GALNT8: variants seen among roughly 807,000 people sequenced by gnomAD.
The protein encoded by GALNT8 is probable polypeptide N-acetylgalactosaminyltransferase 8.
A neutral mutation model predicts 62.7 loss-of-function variants in GALNT8; 66 were observed. The observed-to-expected ratio is 1.05, with a 90% CI of 0.86 to 1.29. GALNT8 has a LOEUF of 1.29. Ranked by LOEUF, GALNT8 falls within the 50% of genes most tolerant of loss-of-function variation. GALNT8 has a pLI of 0.00. For missense variants in GALNT8, 771 were observed against 791.8 expected (o/e 0.97, Z 0.32); for synonymous variants, 288 against 294.3 (o/e 0.98, Z 0.22).
chr12:4,743,324 T>C (rs1326815534), intron 3 of GALNT8, among the ~76,000 whole-genome samples: 1 of 152,204 alleles, frequency 6.6e-6, no homozygotes, highest in African/African-American at 2.4e-5. Context: ...CTACCCCAGC[T>C]TACTCCCAGA....
chr12:4,758,837 C>T (rs903746313), intron 6 of GALNT8, among the ~76,000 whole-genome samples: 2 of 151,468 alleles, frequency 1.3e-5, no homozygotes, highest in African/African-American at 4.9e-5. Flanking sequence ...CGTGCAGTGG[C>T]GCAATCTAGG....
At chr12:4,764,442 A>C (rs922868106) in intron 9 of GALNT8, among the ~76,000 whole-genome samples, 10 of 151,578 alleles carry the variant, frequency 6.6e-5, no homozygotes, top group African/African-American at 2.4e-4. Flanking sequence ...ATAGCGAAGG[A>C]AGCAGAGCTA....
intron 6 of GALNT8, among the ~76,000 whole-genome samples, chr12:4,759,425 G>A (rs187453770): frequency 6.6e-6 from 1 of 150,416 alleles, no homozygotes; most frequent in Non-Finnish European, 1.5e-5. Context: ...AATAAGTTGA[G>A]GGTCAACTTA....
intron 2 of GALNT8, among the ~76,000 whole-genome samples, chr12:4,731,131 C>T (rs149093573): frequency 0.016 from 2,381 of 152,106 alleles, 64 homozygotes; most frequent in African/African-American, 0.054. Context: ...CCACCGCCCC[C>T]GGCCTGAGAT....
intron 10 of GALNT8, 25 bp downstream of exon 10, chr12:4,765,571 G>A (rs761272257): frequency 3.8e-6 from 6 of 1,573,106 alleles, no homozygotes; most frequent in Non-Finnish European, 1.7e-6. Context: ...TTTGTTTGTT[G>A]GTTTGTTTGT....
chr12:4,740,105 GAA>G (rs1946265127), intron 3 of GALNT8, among the ~76,000 whole-genome samples: 1 of 152,164 alleles, frequency 6.6e-6, no homozygotes, highest in Non-Finnish European at 1.5e-5. Context: ...TAAGCCTGGA[GAA>G]AAGAGAGATT....
chr12:4,748,705 G>C (rs1440953509), intron 6 of GALNT8, among the ~76,000 whole-genome samples: 1 of 151,976 alleles, frequency 6.6e-6, no homozygotes, highest in Non-Finnish European at 1.5e-5. Context: ...GTTATTCTGG[G>C]TCTTTTGCAG....
intron 10 of GALNT8, among the ~76,000 whole-genome samples, chr12:4,771,455 G>A (rs1371408098): frequency 6.6e-6 from 1 of 152,178 alleles, no homozygotes; most frequent in Non-Finnish European, 1.5e-5. Flanking sequence ...GAGGCAGTTT[G>A]TGATTGGAAG....
chr12:4,743,683 T>C (rs1320928539), intron 3 of GALNT8, among the ~76,000 whole-genome samples: 1 of 152,134 alleles, frequency 6.6e-6, no homozygotes, highest in Non-Finnish European at 1.5e-5. Flanking sequence ...CTTGGAAAAG[T>C]TTTTAAAACT....
chr12:4,724,140 C>A, intron 1 of GALNT8, among the ~76,000 whole-genome samples: 1 of 113,930 alleles, frequency 8.8e-6, no homozygotes, highest in East Asian at 2.6e-4. Context: ...CAGAGCGAGA[C>A]TCCGTCTCAA....
chr12:4,725,278 C>G (rs1218038914), intron 1 of GALNT8, among the ~76,000 whole-genome samples: 1 of 152,138 alleles, frequency 6.6e-6, no homozygotes, highest in Admixed American at 6.5e-5. Context: ...TAAGATACTC[C>G]AGCACAAATC....
In GALNT8 at chr12:4,720,715, T is replaced by C. The variant is rs767293598; in HGVS notation, c.38T>C (p.Ile13Thr). ...FWRKLPKALF[I>T]GLTLAIAVNL... is the part of the protein sequence containing the mutation. ...AGGAAACTCCCCAAAGCCCTCTTCATTGGGCTGACTCTGGCCATTGCTGTC... is the reference window on the plus strand; with the variant it reads ...AGGAAACTCCCCAAAGCCCTCTTCACTGGGCTGACTCTGGCCATTGCTGTC... The change falls in exon 1 of 11, where the codon ATT becomes ACT. Residue 13 changes from isoleucine (I) to threonine (T), a missense_variant. Transcript: ENST00000252318. 1.5e-5 allele frequency: 24 copies of C among 1,613,628 alleles called. No individual in the cohort carries two copies. The Admixed American group carries it at 2.3e-4, about 16-fold the overall frequency.
chr12:4,767,925 G>A (rs1946406853), intron 10 of GALNT8, among the ~76,000 whole-genome samples: 1 of 152,112 alleles, frequency 6.6e-6, no homozygotes, highest in Admixed American at 6.5e-5. Context: ...TTTAAGTTCA[G>A]CTTACAAATT....
At chr12:4,724,604 G>A (rs867635036) in intron 1 of GALNT8, among the ~76,000 whole-genome samples, 11 of 152,248 alleles carry the variant, frequency 7.2e-5, no homozygotes, top group African/African-American at 2.7e-4. Flanking sequence ...AATAACCATA[G>A]TGTTCCATCT....
Position 4,726,853 on chromosome 12 carries a change from T to C in GALNT8, c.509+24T>C. 1 of 1,576,610 alleles carries C rather than the reference T, an allele frequency of 6.3e-7. No homozygotes were observed. Among genetic ancestry groups the C allele is most frequent in the South Asian group, 1.2e-5 (1 of 85,316 alleles). ...AGGTGGGATGAACCAGGCTTGGGCTTCTAGGGTCCTCAGTTTGATTTGAGG... is the reference window on the plus strand; with the variant it reads ...AGGTGGGATGAACCAGGCTTGGGCTCCTAGGGTCCTCAGTTTGATTTGAGG... On this transcript the variant is annotated intron_variant, in intron 2 of 10. Coordinates refer to ENST00000252318, the MANE Select transcript of GALNT8 (RefSeq NM_017417.2). This position sits in a 1 kb window ranked among gnomAD's most constrained non-coding sequence, Gnocchi z 4.1.
Position 4,741,321 on chromosome 12 carries a change from T to C in GALNT8, c.676+1992T>C, listed in dbSNP as rs572965712. ...TACAATTTTTAGAGCAAAATTCCGC[T>C]GAAAACCAAAGAAAAGAGACTAGTT... On this transcript the variant is annotated intron_variant, in intron 3 of 10. Coordinates refer to ENST00000252318, the MANE Select transcript of GALNT8 (RefSeq NM_017417.2). 1.3e-4 allele frequency among the ~76,000 whole-genome samples: 20 copies of C among 152,194 alleles called. 1 individual carries two copies. Among genetic ancestry groups the C allele is most frequent in the Non-Finnish European group, 4.4e-5 (3 of 68,016 alleles).
intron 6 of GALNT8, among the ~76,000 whole-genome samples, chr12:4,759,848 G>C (rs1207682882): frequency 6.6e-6 from 1 of 152,068 alleles, no homozygotes; most frequent in African/African-American, 2.4e-5. Flanking sequence ...GAGACATCAC[G>C]TCGATCCAAT....
chr12:4,720,417 C>T lies in GALNT8; in HGVS notation c.-261C>T. On this transcript the variant is annotated 5_prime_UTR_variant, in exon 1 of 11. Transcript: ENST00000252318. Reference sequence around the variant, plus strand: ...AAGGGAGTGTTATCTCCCTGAGCAACCTGTGGAAAGCCGCTGAGCAACCTG... The same window carrying T: ...AAGGGAGTGTTATCTCCCTGAGCAATCTGTGGAAAGCCGCTGAGCAACCTG... 2.0e-6 allele frequency: 1 copy of T among 491,370 alleles called. No individual in the cohort carries two copies. The highest frequency in any genetic ancestry group is 3.7e-5 in the East Asian group (1 of 27,310). 30.4% of individuals were successfully genotyped at this position (491,370 alleles called of 1,614,324 possible). A position where few individuals can be genotyped will look rare whatever the true frequency, so the allele number is the denominator to read the frequency against.
Position 4,765,352 on chromosome 12 carries a change from CTTTTTTT to C in GALNT8, c.1594-9_1594-3del, listed in dbSNP as rs35971936. 176 of 1,014,466 alleles carry C rather than the reference CTTTTTTT, an allele frequency of 1.7e-4. No individual in the cohort carries two copies. Among genetic ancestry groups the C allele is most frequent in the African/African-American group, 2.5e-4 (9 of 36,534 alleles). The allele number at this position is 1,014,466 out of a possible 1,614,324, so 62.8% of individuals were successfully genotyped here. ...GACAATGCCTATGGTGAGCCCTCTG[CTTTTTTT>C]TTTTTTTTTTTTTTTTTAGAATGTC... On this transcript the variant is annotated intron_variant, in intron 9 of 10. Transcript: ENST00000252318.
Sources: allele counts gnomAD v4.1 joint callset (sites outside exome capture counted in the v4.1 genomes callset), GRCh38; gene constraint gnomAD v4.1.1; non-coding constraint Gnocchi (gnomAD v3.1); transcripts MANE v1.5; gene names NCBI Gene and HGNC (gene_info 2026-07-23, HGNC 2026-07-21).